PMF1: variants seen among roughly 807,000 people sequenced by gnomAD.
PMF1 encodes polyamine modulated factor 1.
A neutral mutation model predicts 26.7 loss-of-function variants in PMF1; 21 were observed. That is an observed-to-expected ratio of 0.79 (90% CI 0.56 to 1.13). The LOEUF (loss-of-function observed/expected upper bound fraction) is 1.13, where lower values mean the gene tolerates loss of function less well. Ranked by LOEUF, PMF1 falls within the 50% of genes most tolerant of loss-of-function variation. PMF1 has a pLI of 0.00. For synonymous variants in PMF1, 105 were observed against 101.0 expected (o/e 1.04, Z -0.24); for missense variants, 266 against 254.9 (o/e 1.04, Z -0.30).
At chr1:156,223,666 A>G in intron 1 of PMF1, 1 of 150,504 alleles carries the variant, frequency 6.6e-6, no homozygotes, top group Non-Finnish European at 1.5e-5. Flanking sequence ...ACATATGTGC[A>G]CGTGCACACA....
intron 1 of PMF1, 45 bp downstream of exon 1, chr1:156,213,221 G>A (rs2103065042): frequency 6.3e-7 from 1 of 1,599,190 alleles, no homozygotes; most frequent in East Asian, 2.2e-5. Flanking sequence ...TGGCACCGAA[G>A]CTCAAATCCC....
chr1:156,224,720 C>T (rs1173609354), intron 1 of PMF1, among the ~76,000 whole-genome samples: 4 of 151,450 alleles, frequency 2.6e-5, no homozygotes, highest in South Asian at 2.1e-4. Context: ...GCCGAGATCG[C>T]GCCACTGCAC....
intron 1 of PMF1, among the ~76,000 whole-genome samples, chr1:156,225,229 C>CTAT (rs1357441386): frequency 6.7e-6 from 1 of 148,830 alleles, no homozygotes; most frequent in Non-Finnish European, 1.5e-5. Flanking sequence ...AATGGACAGC[C>CTAT]GTATAGTGAA....
chr1:156,226,053 C>T (rs1462220973), intron 1 of PMF1, among the ~76,000 whole-genome samples: 1 of 152,108 alleles, frequency 6.6e-6, no homozygotes, highest in Non-Finnish European at 1.5e-5. Flanking sequence ...TGGGGTTTCA[C>T]CATGTTGGCC....
At chr1:156,233,580 C>T in intron 2 of PMF1, 48 bp from the exon 3 acceptor site, 1 of 1,589,306 alleles carries the variant, frequency 6.3e-7, no homozygotes, top group Non-Finnish European at 8.6e-7. Context: ...ATATTTTTGC[C>T]ATGAGCTCAT....
At chr1:156,235,188 G>A (rs188616599) in intron 3 of PMF1, among the ~76,000 whole-genome samples, 1 of 151,076 alleles carries the variant, frequency 6.6e-6, no homozygotes, top group Admixed American at 6.6e-5. Context: ...ACAGTGGTGC[G>A]ATCTCAGCTC....
At chr1:156,228,075 C>T (rs1274719988) in intron 1 of PMF1, among the ~76,000 whole-genome samples, 1 of 151,712 alleles carries the variant, frequency 6.6e-6, no homozygotes, top group African/African-American at 2.4e-5. Context: ...GCTGGGATTA[C>T]AGACATGCGC....
intron 1 of PMF1, among the ~76,000 whole-genome samples, chr1:156,214,319 C>CCT (rs1215443119): frequency 6.6e-6 from 1 of 152,202 alleles, no homozygotes; most frequent in Non-Finnish European, 1.5e-5. Context: ...CTGACCACAG[C>CCT]CTCTCCTTCT....
At chr1:156,225,556 G>A in intron 1 of PMF1, 1 of 1,535,410 alleles carries the variant, frequency 6.5e-7, no homozygotes, top group South Asian at 1.2e-5. Context: ...TTTGTTCTCA[G>A]CTCTCCACTC....
intron 2 of PMF1, among the ~76,000 whole-genome samples, chr1:156,233,232 C>G (rs901947893): frequency 2.8e-4 from 43 of 152,164 alleles, no homozygotes; most frequent in African/African-American, 1.0e-3. Context: ...CGGTTCACTA[C>G]AACCTCCGCC....
At chr1:156,229,267 G>C (rs2103110289) in intron 1 of PMF1, among the ~76,000 whole-genome samples, 1 of 152,134 alleles carries the variant, frequency 6.6e-6, no homozygotes, top group South Asian at 2.1e-4. Context: ...CATGGAATGT[G>C]TATCACTGAA....
intron 1 of PMF1, among the ~76,000 whole-genome samples, chr1:156,229,500 C>T (rs1658574764): frequency 6.6e-6 from 1 of 151,710 alleles, no homozygotes; most frequent in Non-Finnish European, 1.5e-5. Context: ...CAAATTACCT[C>T]AAGAGCAGAG....
rs1410774461 is a variant in PMF1 at position 156,239,071 on chromosome 1, G to A, written c.565-477G>A. Among the ~76,000 whole-genome samples the A allele has an allele frequency of 2.6e-5, 4 of 152,110 alleles. 1 individual carries two copies. The highest frequency in any genetic ancestry group is 2.9e-5 in the Non-Finnish European group (2 of 68,016). ...AAATTGGCTAGATAATGATCCCAGGGCCTCACCAGCTCTGAGATTCAGTGC... is the reference window on the plus strand; with the variant it reads ...AAATTGGCTAGATAATGATCCCAGGACCTCACCAGCTCTGAGATTCAGTGC... On this transcript the variant is annotated intron_variant, in intron 4 of 4. Transcript: ENST00000368277.
At chr1:156,221,456 C>G (rs572800380) in intron 1 of PMF1, among the ~76,000 whole-genome samples, 1 of 152,202 alleles carries the variant, frequency 6.6e-6, no homozygotes, top group Non-Finnish European at 1.5e-5. Flanking sequence ...ATATTGCAGT[C>G]TGCTGTTCTG....
intron 1 of PMF1, chr1:156,224,058 G>T (rs1341370949): frequency 1.3e-5 from 2 of 152,138 alleles, no homozygotes; most frequent in Non-Finnish European, 2.9e-5. Context: ...CCCAATTTCA[G>T]ATTTTTGAAG....
At chr1:156,214,420 C>T (rs1657569282) in intron 1 of PMF1, among the ~76,000 whole-genome samples, 1 of 152,174 alleles carries the variant, frequency 6.6e-6, no homozygotes, top group Non-Finnish European at 1.5e-5. Flanking sequence ...CAGCACTTTA[C>T]CTTTCCTACG....
intron 1 of PMF1, among the ~76,000 whole-genome samples, chr1:156,217,233 TA>T (rs558492040): frequency 0.42 from 41,052 of 97,618 alleles, 5,990 homozygotes; most frequent in Middle Eastern, 0.48. Flanking sequence ...TAAAGTATAA[TA>T]AAAAAAAAAA....
chr1:156,236,500 GCCTCTT>G lies in PMF1; in HGVS notation c.564+27_564+32del. Reference sequence around the variant, plus strand: ...GCCTGGCAGGTCAGTGTCCCAGCCTGCCTCTTCCTCTTCCTTCTCTAATGGGCCCTC... The same window carrying G: ...GCCTGGCAGGTCAGTGTCCCAGCCTGCCTCTTCCTTCTCTAATGGGCCCTC... On this transcript the variant is annotated intron_variant, in intron 4 of 4. Coordinates refer to ENST00000368277, the MANE Select transcript of PMF1 (RefSeq NM_007221.4). 1 of 1,590,586 alleles carries G rather than the reference GCCTCTT, an allele frequency of 6.3e-7. No homozygotes were observed. The highest frequency in any genetic ancestry group is 8.6e-7 in the Non-Finnish European group (1 of 1,167,540).
intron 1 of PMF1, among the ~76,000 whole-genome samples, chr1:156,219,399 A>G (rs1657957244): frequency 6.6e-6 from 1 of 152,110 alleles, no homozygotes; most frequent in East Asian, 1.9e-4. Flanking sequence ...CCCAAATACC[A>G]TCAACTACAC....
Sources: gnomAD v4.1 joint callset for allele counts (sites outside exome capture counted in the v4.1 genomes callset) on GRCh38, gnomAD v4.1.1 for gene constraint, MANE v1.5 for transcripts, NCBI Gene and HGNC (gene_info 2026-07-23, HGNC 2026-07-21) for gene names.